C2orf49: variants seen among roughly 807,000 people sequenced by gnomAD.
The protein encoded by C2orf49 is tRNA-splicing ligase complex subunit ASW.
In C2orf49, 11 loss-of-function variants were observed where a neutral mutation model predicts 20.6. That is an observed-to-expected ratio of 0.53 (90% confidence interval 0.34 to 0.88). The LOEUF (loss-of-function observed/expected upper bound fraction) is 0.88. C2orf49 is among the 40% of genes least tolerant of loss of function. The probability of loss-of-function intolerance (pLI) is 0.02; values close to 1 mark genes in which losing one functional copy is unlikely to be tolerated. For missense variants in C2orf49, 289 were observed against 274.2 expected (o/e 1.05, Z -0.38); for synonymous variants, 134 against 108.5 (o/e 1.24, Z -1.46).
At chr2:105,354,237 A>C in the C2orf49 span, among the ~76,000 whole-genome samples, 1 of 152,356 alleles carries the variant, frequency 6.6e-6, no homozygotes, top group East Asian at 1.9e-4. Context: ...CAGCAGATAT[A>C]TTTAATGAGT....
chr2:105,340,814 T>G (rs1679645958), intron 2 of C2orf49, among the ~76,000 whole-genome samples: 1 of 152,010 alleles, frequency 6.6e-6, no homozygotes, highest in African/African-American at 2.4e-5. Flanking sequence ...ATCAATTAAT[T>G]TTTTTTTAGG....
At chr2:105,343,750 T>C (rs889744877) in intron 3 of C2orf49, among the ~76,000 whole-genome samples, 2 of 152,156 alleles carry the variant, frequency 1.3e-5, no homozygotes, top group Admixed American at 6.6e-5. Flanking sequence ...GGGAAATCTA[T>C]TATGTTGTGC....
chr2:105,365,260 CTG>C, the C2orf49 span, among the ~76,000 whole-genome samples: 2 of 152,224 alleles, frequency 1.3e-5, no homozygotes, highest in Non-Finnish European at 2.9e-5. Context: ...GGGTTTGACA[CTG>C]GAGTGTACTT....
chr2:105,381,650 G>A, the C2orf49 span, among the ~76,000 whole-genome samples: 6 of 152,102 alleles, frequency 3.9e-5, no homozygotes, highest in Admixed American at 2.0e-4. Context: ...CTGATCCTAG[G>A]ACCCTGCTTG....
At position 105,343,140 on chromosome 2, in the gene C2orf49, G is replaced by T; in HGVS notation, c.559G>T (p.Val187Leu). 1 of 1,614,164 alleles carries T rather than the reference G, an allele frequency of 6.2e-7. No homozygotes were observed. ...LTHRKSPSGP[V>L]KSPPLSPVGT... The stretch of plus-strand genomic sequence containing the variant: ...GCATAGGAAAAGTCCTTCAGGCCCT[G>T]TGAAGTCGCCACCATTGTCCCCTGT... Residue 187 changes from valine to leucine, a missense_variant, in exon 3 of 4, where the codon GTG becomes TTG. Physicochemically the swap from Val to Leu is conservative, Grantham distance 32. Coordinates refer to ENST00000258457, the MANE Select transcript of C2orf49 (RefSeq NM_024093.3).
the C2orf49 span, among the ~76,000 whole-genome samples, chr2:105,373,026 C>T: frequency 6.6e-6 from 1 of 152,198 alleles, no homozygotes; most frequent in African/African-American, 2.4e-5. Context: ...ACCTTTATTG[C>T]CATCCTCGGC....
the C2orf49 span, chr2:105,361,459 C>T: frequency 6.9e-6 from 11 of 1,599,264 alleles, no homozygotes; most frequent in East Asian, 2.2e-5. Context: ...AAAATAATAC[C>T]GGATGAAGAA....
intron 2 of C2orf49, among the ~76,000 whole-genome samples, chr2:105,341,980 C>G (rs932698633): frequency 6.6e-6 from 1 of 152,172 alleles, no homozygotes; most frequent in Non-Finnish European, 1.5e-5. Flanking sequence ...CAAGACCAGC[C>G]TGGCCAACAT....
intron 2 of C2orf49, 151 bp from the exon 3 acceptor site, chr2:105,342,697 T>C: frequency 1.4e-6 from 1 of 704,256 alleles, no homozygotes; most frequent in East Asian, 2.8e-5. Flanking sequence ...TTCTTTCATT[T>C]AGAATGAACA....
the C2orf49 span, among the ~76,000 whole-genome samples, chr2:105,366,369 A>C: frequency 6.6e-6 from 1 of 152,198 alleles, no homozygotes; most frequent in Non-Finnish European, 1.5e-5. Context: ...GCCCAGACGC[A>C]AGGGTAGAGG....
At chr2:105,354,613 C>A in the C2orf49 span, among the ~76,000 whole-genome samples, 1 of 151,976 alleles carries the variant, frequency 6.6e-6, no homozygotes, top group Non-Finnish European at 1.5e-5. Flanking sequence ...TTGCAGTGAG[C>A]CCTGATCGCA....
At chr2:105,381,875 T>C in the C2orf49 span, among the ~76,000 whole-genome samples, 1 of 152,044 alleles carries the variant, frequency 6.6e-6, no homozygotes, top group Non-Finnish European at 1.5e-5. Context: ...GAGTAGGTGC[T>C]CTTCCCAGAA....
the C2orf49 span, chr2:105,377,969 C>T: frequency 2.2e-6 from 1 of 444,778 alleles, no homozygotes; most frequent in Non-Finnish European, 4.6e-6. Flanking sequence ...AATACAATTT[C>T]TAGAAAATTT....
the C2orf49 span, among the ~76,000 whole-genome samples, chr2:105,355,165 TCTTTC>T: frequency 2.0e-5 from 3 of 151,902 alleles, no homozygotes; most frequent in Non-Finnish European, 4.4e-5. Context: ...TAGAAATACA[TCTTTC>T]CTTTTCATGC....
intron 1 of C2orf49, among the ~76,000 whole-genome samples, 173 bp downstream of exon 1, chr2:105,337,859 C>T (rs530941802): frequency 6.6e-6 from 1 of 152,292 alleles, no homozygotes; most frequent in South Asian, 2.1e-4. Flanking sequence ...CTCGCCCCCT[C>T]TCCAAAAATG....
In C2orf49 at chr2:105,337,699, G is replaced by A. The variant is rs1171598399; in HGVS notation, c.99+13G>A. On this transcript the variant is annotated intron_variant, in intron 1 of 3. Transcript: ENST00000258457. ...CACTCTGGAGCAGGTTGGGCGCGCC[G>A]GATCGGAGGGTGGGCGGGTGGGCCT... 1 of 1,050,592 alleles carries A rather than the reference G, an allele frequency of 9.5e-7. No homozygotes were observed. Among genetic ancestry groups the A allele is most frequent in the Non-Finnish European group, 1.3e-6 (1 of 749,064 alleles). 65.1% of individuals were successfully genotyped at this position (1,050,592 alleles called of 1,614,324 possible). A position where few individuals can be genotyped will look rare whatever the true frequency, so the allele number is the denominator to read the frequency against.
downstream of C2orf49, among the ~76,000 whole-genome samples, chr2:105,349,920 C>T (rs894317347): frequency 2.6e-5 from 4 of 152,208 alleles, no homozygotes; most frequent in African/African-American, 9.6e-5. Context: ...AGCTTCCCAC[C>T]ACTTGTATGT....
the C2orf49 span, chr2:105,374,070 C>T: frequency 6.0e-6 from 2 of 334,796 alleles, no homozygotes; most frequent in African/African-American, 4.3e-5. Context: ...ATCAATTCGT[C>T]TCACACCACA....
At chr2:105,353,167 T>A (rs1003898790), downstream of C2orf49, among the ~76,000 whole-genome samples, 3 of 152,142 alleles carry the variant, frequency 2.0e-5, no homozygotes, top group Admixed American at 1.3e-4. Flanking sequence ...CCATAATAAC[T>A]GCCCTTGTGA....
Sources: allele counts gnomAD v4.1 joint callset (sites outside exome capture counted in the v4.1 genomes callset), GRCh38; gene constraint gnomAD v4.1.1; transcripts MANE v1.5; gene names NCBI Gene and HGNC (gene_info 2026-07-23, HGNC 2026-07-21).